The following DHRS7B variants were observed in gnomAD, a reference collection of about 807,000 sequenced individuals.
DHRS7B encodes peroxisomal reductase activating PPAR-gamma.
A neutral mutation model predicts 26.4 loss-of-function variants in DHRS7B; 24 were observed. The ratio of observed to expected loss-of-function variants is 0.91; its 90% confidence interval spans 0.66 to 1.28. The LOEUF (loss-of-function observed/expected upper bound fraction) is 1.28, where lower values mean the gene tolerates loss of function less well. DHRS7B is among the 50% of genes most tolerant of loss of function. DHRS7B has a pLI of 0.00. For synonymous variants in DHRS7B, 142 were observed against 166.4 expected (o/e 0.85, Z 1.13); for missense variants, 368 against 419.4 (o/e 0.88, Z 1.07).
At chr17:21,139,290 G>T (rs1339966188) in intron 1 of DHRS7B, among the ~76,000 whole-genome samples, 1 of 152,108 alleles carries the variant, frequency 6.6e-6, no homozygotes, top group Non-Finnish European at 1.5e-5. Flanking sequence ...AATTACACAA[G>T]CGAAGATCAT....
intron 1 of DHRS7B, 161 bp from the exon 2 acceptor site, chr17:21,171,851 TGAACAG>T (rs1974254652): frequency 1.2e-6 from 1 of 822,958 alleles, no homozygotes; most frequent in East Asian, 2.6e-5. Flanking sequence ...TCTACAATGC[TGAACAG>T]TCGGCCGAGG....
chr17:21,180,217 G>A (rs1442748110), intron 3 of DHRS7B, among the ~76,000 whole-genome samples: 1 of 151,976 alleles, frequency 6.6e-6, no homozygotes, highest in Non-Finnish European at 1.5e-5. Context: ...TGGGACTACA[G>A]GCACGCACCA....
At chr17:21,154,441 C>A (rs1973837354) in intron 1 of DHRS7B, among the ~76,000 whole-genome samples, 1 of 152,144 alleles carries the variant, frequency 6.6e-6, no homozygotes, top group South Asian at 2.1e-4. Context: ...GCACAATTAT[C>A]CTTCAAAAGC....
At position 21,178,243 on chromosome 17, in the gene DHRS7B, A is replaced by G; in HGVS notation, c.210A>G (p.Lys70=). 1.2e-6 allele frequency: 2 copies of G among 1,614,206 alleles called. No homozygotes were observed. Among genetic ancestry groups the G allele is most frequent in the Non-Finnish European group, 1.7e-6 (2 of 1,180,022 alleles). The change falls in exon 3 of 7, where the codon AAA becomes AAG. Residue 70 remains lysine (K), a synonymous_variant. Coordinates refer to ENST00000395511, the MANE Select transcript of DHRS7B (RefSeq NM_015510.5). ...TTTCTCTTCCCTTAGAATGTGCAAAAGTCTTCTATGCTGCGGGTGCTAAAC... is the reference window on the plus strand; with the variant it reads ...TTTCTCTTCCCTTAGAATGTGCAAAGGTCTTCTATGCTGCGGGTGCTAAAC... ...ATSGLGKECA[K]VFYAAGAKLV...
intron 1 of DHRS7B, among the ~76,000 whole-genome samples, chr17:21,135,711 G>A (rs1206770456): frequency 6.6e-6 from 1 of 152,188 alleles, no homozygotes; most frequent in African/African-American, 2.4e-5. Context: ...TTATTAAGGA[G>A]TTGGTTAATG....
At chr17:21,157,323 C>G (rs1973903423) in intron 1 of DHRS7B, among the ~76,000 whole-genome samples, 1 of 152,142 alleles carries the variant, frequency 6.6e-6, no homozygotes, top group Non-Finnish European at 1.5e-5. Flanking sequence ...AAAATATTAG[C>G]AAATTGAATG....
chr17:21,138,212 T>TTC, intron 1 of DHRS7B, among the ~76,000 whole-genome samples: 1 of 38,260 alleles, frequency 2.6e-5, no homozygotes. Flanking sequence ...TCCCTCCTTC[T>TTC]TTTTTTTTTT....
intron 2 of DHRS7B, among the ~76,000 whole-genome samples, chr17:21,174,152 G>A (rs925848703): frequency 6.6e-6 from 1 of 152,220 alleles, no homozygotes; most frequent in Non-Finnish European, 1.5e-5. Context: ...CACCAAGGAC[G>A]TTCTGATGTT....
intron 1 of DHRS7B, among the ~76,000 whole-genome samples, chr17:21,137,734 G>T (rs1462513156): frequency 1.3e-5 from 2 of 151,754 alleles, no homozygotes; most frequent in Non-Finnish European, 2.9e-5. Context: ...TGGGATTACA[G>T]ATGTGAGCCA....
At chr17:21,173,000 G>A (rs964609997) in intron 2 of DHRS7B, among the ~76,000 whole-genome samples, 1 of 152,218 alleles carries the variant, frequency 6.6e-6, no homozygotes, top group African/African-American at 2.4e-5. Flanking sequence ...ATGGAAGAAA[G>A]CTGAGGAGTT....
At chr17:21,139,431 T>C (rs570193014) in intron 1 of DHRS7B, among the ~76,000 whole-genome samples, 27 of 152,226 alleles carry the variant, frequency 1.8e-4, no homozygotes, top group Admixed American at 1.0e-3. Context: ...ATCCCAGCAC[T>C]TTGGGAGGCT....
At chr17:21,144,833 T>C (rs1346196349) in intron 1 of DHRS7B, among the ~76,000 whole-genome samples, 1 of 151,444 alleles carries the variant, frequency 6.6e-6, no homozygotes, top group East Asian at 2.0e-4. Context: ...ATAATAATAA[T>C]AATAATATTT....
chr17:21,185,963 C>G (rs969010947), intron 5 of DHRS7B, among the ~76,000 whole-genome samples: 6 of 152,230 alleles, frequency 3.9e-5, no homozygotes, highest in Admixed American at 1.3e-4. Flanking sequence ...GTTGAGATTA[C>G]AGGCATGAGC....
At chr17:21,134,543 GGGCTTTACT>G (rs1474101130) in intron 1 of DHRS7B, among the ~76,000 whole-genome samples, 1 of 152,072 alleles carries the variant, frequency 6.6e-6, no homozygotes, top group Non-Finnish European at 1.5e-5. Context: ...GATTTTCCAG[GGGCTTTACT>G]GGCTCTATAT....
intron 2 of DHRS7B, 139 bp downstream of exon 2, chr17:21,172,335 C>T: frequency 9.4e-7 from 1 of 1,062,956 alleles, no homozygotes; most frequent in Non-Finnish European, 1.4e-6. Context: ...GGCCGGATGG[C>T]ACTGTCCTTG....
chr17:21,142,043 A>G (rs1249653388), intron 1 of DHRS7B, among the ~76,000 whole-genome samples: 1 of 152,188 alleles, frequency 6.6e-6, no homozygotes, highest in East Asian at 1.9e-4. Flanking sequence ...AGCTGCGGAC[A>G]AAACCCCTCA....
chr17:21,141,620 A>AG (rs1973512670), intron 1 of DHRS7B, among the ~76,000 whole-genome samples: 2 of 107,684 alleles, frequency 1.9e-5, no homozygotes, highest in Admixed American at 9.9e-5. Context: ...GCAAGAAAGC[A>AG]AAAAAAAAAA....
chr17:21,138,111 C>T lies in DHRS7B; in HGVS notation c.20+11120C>T, dbSNP rs190628354. ...ATATATATATATATATACACACACA[C>T]ACACACACACACACACACACATATA... On this transcript the variant is annotated intron_variant, in intron 1 of 6. Coordinates refer to ENST00000395511, the MANE Select transcript of DHRS7B (RefSeq NM_015510.5). Among the ~76,000 whole-genome samples, 7 of 138,672 alleles carry T rather than the reference C, an allele frequency of 5.0e-5. No homozygotes were observed. In the East Asian group the frequency reaches 1.2e-3, roughly 24 times the overall value. 91.0% of individuals were successfully genotyped at this position (138,672 alleles called of 152,430 possible). A position where few individuals can be genotyped will look rare whatever the true frequency, so the allele number is the denominator to read the frequency against.
At chr17:21,178,141 G>A (rs977724225) in intron 2 of DHRS7B, 92 bp from the exon 3 acceptor site, 1 of 1,216,408 alleles carries the variant, frequency 8.2e-7, no homozygotes, top group African/African-American at 1.5e-5. Flanking sequence ...GACCTGTGAA[G>A]GGTGTGAAGC....
Sources: gnomAD v4.1 joint callset for allele counts (sites outside exome capture counted in the v4.1 genomes callset) on GRCh38, gnomAD v4.1.1 for gene constraint, MANE v1.5 for transcripts, NCBI Gene and HGNC (gene_info 2026-07-23, HGNC 2026-07-21) for gene names.